The following LRRC8C variants were observed in gnomAD, a reference collection of about 807,000 sequenced individuals.
LRRC8C encodes the protein leucine rich repeat containing 8 VRAC subunit C.
Under a neutral mutation model 55.3 loss-of-function variants are expected in LRRC8C, and 20 were observed. The observed-to-expected ratio is 0.36, with a 90% CI of 0.25 to 0.53. LRRC8C has a LOEUF of 0.53. Ranked by LOEUF, LRRC8C falls within the 20% of genes least tolerant of loss-of-function variation. The pLI, the probability that LRRC8C is intolerant of heterozygous loss-of-function variation, is 0.92. For missense variants in LRRC8C, 659 were observed against 951.4 expected, an observed-to-expected ratio of 0.69 and a Z score of 4.04; for synonymous variants, 376 against 360.7, an observed-to-expected ratio of 1.04 and a Z score of -0.48.
chr1:89,630,865 TAAG>T (rs1029558888), upstream of LRRC8C, among the ~76,000 whole-genome samples: 7 of 152,184 alleles, frequency 4.6e-5, no homozygotes, highest in African/African-American at 1.7e-4. Context: ...TGCTACAAAA[TAAG>T]AAGAGGTGAA....
the LRRC8C span, chr1:89,626,353 G>T: frequency 1.3e-4 from 20 of 152,262 alleles, no homozygotes; most frequent in African/African-American, 4.8e-4. Flanking sequence ...ACACTGACTG[G>T]TATCCTATAA....
At chr1:89,664,675 G>A (rs772017877) in intron 1 of LRRC8C, among the ~76,000 whole-genome samples, 2 of 152,136 alleles carry the variant, frequency 1.3e-5, no homozygotes, top group Non-Finnish European at 2.9e-5. Flanking sequence ...CTAATTACGT[G>A]AAGAAAGTCA....
chr1:89,677,690 G>A (rs944028631), intron 1 of LRRC8C, among the ~76,000 whole-genome samples: 2 of 152,154 alleles, frequency 1.3e-5, no homozygotes, highest in African/African-American at 4.8e-5. Flanking sequence ...GGTCTGGACT[G>A]GATGATCTCT....
intron 1 of LRRC8C, among the ~76,000 whole-genome samples, chr1:89,633,594 C>G (rs1207387262): frequency 6.6e-6 from 1 of 152,174 alleles, no homozygotes; most frequent in East Asian, 1.9e-4. Context: ...GCGCCCAACG[C>G]CGCGCCGCAG....
In LRRC8C at chr1:89,713,533, T is replaced by G. The variant is rs1285562241; in HGVS notation, c.963T>G (p.Phe321Leu). ...TMAHLFSKLS[F>L]CYLCFVSIYG... Reference sequence around the variant, plus strand: ...CACACTTGTTCTCAAAACTGTCCTTTTGCTATCTGTGCTTTGTTAGTATCT... The same window carrying G: ...CACACTTGTTCTCAAAACTGTCCTTGTGCTATCTGTGCTTTGTTAGTATCT... Residue 321 changes from phenylalanine (F) to leucine (L), a missense_variant, in exon 3 of 3, where the codon TTT (phenylalanine) becomes TTG (leucine). This residue lies in a region of LRRC8C where 200 missense variants were observed against 360.5 expected (regional missense o/e 0.55). Coordinates refer to ENST00000370454, the MANE Select transcript of LRRC8C (RefSeq NM_032270.5). The surrounding 1 kb of genome is among the most constrained non-coding windows in gnomAD (Gnocchi z 5.2). The G allele has an allele frequency of 6.2e-7, 1 of 1,614,202 alleles. No individual in the cohort carries two copies. Among genetic ancestry groups the G allele is most frequent in the East Asian group, 2.2e-5 (1 of 44,882 alleles).
the LRRC8C span, among the ~76,000 whole-genome samples, chr1:89,625,681 A>C: frequency 5.9e-5 from 9 of 152,248 alleles, no homozygotes; most frequent in African/African-American, 2.2e-4. Flanking sequence ...AATCATGTTT[A>C]TGTGAGTAAC....
At chr1:89,624,040 A>AT in the LRRC8C span, among the ~76,000 whole-genome samples, 7 of 152,220 alleles carry the variant, frequency 4.6e-5, no homozygotes, top group Non-Finnish European at 1.0e-4. Flanking sequence ...CAGCATTTTT[A>AT]TATCAGTTCC....
chr1:89,654,575 A>G (rs1051497171), intron 1 of LRRC8C, among the ~76,000 whole-genome samples: 1 of 152,136 alleles, frequency 6.6e-6, no homozygotes, highest in African/African-American at 2.4e-5. Context: ...GTGTCCTTCT[A>G]TGTCTGAAAT....
At chr1:89,697,559 TCAAA>T (rs1487869669) in intron 2 of LRRC8C, among the ~76,000 whole-genome samples, 2 of 152,186 alleles carry the variant, frequency 1.3e-5, no homozygotes, top group Non-Finnish European at 2.9e-5. Context: ...TTCAAATTCT[TCAAA>T]CAACCGAAAC....
At position 89,674,947 on chromosome 1, in the gene LRRC8C, A is replaced by C. The variant is rs575550241; in HGVS notation, c.-4-11523A>C. Among the ~76,000 whole-genome samples the C allele has an allele frequency of 5.3e-5, 8 of 152,258 alleles. No homozygotes were observed. The South Asian group carries it at 1.2e-3, about 24-fold the overall frequency. ...GTGTTACTTTGTTTCCTAGTTTTTT[A>C]TGTTTAACCTAGCTGGAAATTTTAA... On this transcript the variant is annotated intron_variant, in intron 1 of 2. Transcript: ENST00000370454.
intron 2 of LRRC8C, among the ~76,000 whole-genome samples, chr1:89,693,646 CTTTTTTTTTTTTTTTTTT>C (rs35427989): frequency 1.2e-5 from 1 of 82,692 alleles, no homozygotes; most frequent in Non-Finnish European, 2.3e-5. Context: ...TCTTTTCTTC[CTTTTTTTTTTTTTTTTTT>C]TTTTTTTTTT....
Position 89,714,023 on chromosome 1 carries a change from G to A in LRRC8C, c.1453G>A (p.Ala485Thr). Residue 485 changes from alanine to threonine, a missense_variant, in exon 3 of 3, where the codon GCG becomes ACG. Transcript: ENST00000370454. The surrounding 1 kb of genome is among the most constrained non-coding windows in gnomAD (Gnocchi z 4.6). ...HQCSVKIHSA[A>T]LSFLKENLKV... Reference sequence around the variant, plus strand: ...GTGTTCTGTCAAAATCCACAGTGCGGCGCTCTCTTTCCTGAAGGAAAACCT... The same window carrying A: ...GTGTTCTGTCAAAATCCACAGTGCGACGCTCTCTTTCCTGAAGGAAAACCT... The A allele has an allele frequency of 6.2e-7, 1 of 1,613,444 alleles. No individual in the cohort carries two copies.
chr1:89,691,733 G>A lies in LRRC8C; in HGVS notation c.138+5122G>A, dbSNP rs150306104. On this transcript the variant is annotated intron_variant, in intron 2 of 2. Transcript: ENST00000370454. Reference sequence around the variant, plus strand: ...ATCTTAGGCTGATTCTCCATGAGGCGTCTGTCACCCCTGTGCACACTGCTA... The same window carrying A: ...ATCTTAGGCTGATTCTCCATGAGGCATCTGTCACCCCTGTGCACACTGCTA... Among the ~76,000 whole-genome samples the A allele has an allele frequency of 2.8e-3, 427 of 152,266 alleles. 3 individuals are homozygous for A. The highest frequency in any genetic ancestry group is 9.7e-3 in the African/African-American group (405 of 41,542).
At chr1:89,684,093 A>G (rs1054862132) in intron 1 of LRRC8C, among the ~76,000 whole-genome samples, 1 of 152,140 alleles carries the variant, frequency 6.6e-6, no homozygotes, top group Non-Finnish European at 1.5e-5. Context: ...TATATATATT[A>G]CATTTATTGG....
chr1:89,641,756 G>T (rs909822455), intron 1 of LRRC8C, among the ~76,000 whole-genome samples: 1 of 152,068 alleles, frequency 6.6e-6, no homozygotes. Context: ...ATAATACTTT[G>T]AACTGGTTTT....
intron 1 of LRRC8C, among the ~76,000 whole-genome samples, chr1:89,653,571 A>T (rs942947165): frequency 1.3e-5 from 2 of 152,230 alleles, no homozygotes; most frequent in African/African-American, 4.8e-5. Flanking sequence ...ACTGTAAGAG[A>T]CAAGGATGGA....
intron 1 of LRRC8C, among the ~76,000 whole-genome samples, chr1:89,643,556 A>G (rs993854869): frequency 6.6e-6 from 1 of 152,248 alleles, no homozygotes; most frequent in Non-Finnish European, 1.5e-5. Context: ...GTTATATACA[A>G]AAAGTTGTGT....
chr1:89,678,699 T>A (rs200581364), intron 1 of LRRC8C, among the ~76,000 whole-genome samples: 22 of 131,452 alleles, frequency 1.7e-4, no homozygotes, highest in South Asian at 2.4e-4. Flanking sequence ...AAATTCTGTC[T>A]AAAAAAAAAA....
intron 1 of LRRC8C, among the ~76,000 whole-genome samples, chr1:89,650,519 C>T (rs1440972928): frequency 1.1e-4 from 17 of 152,012 alleles, no homozygotes; most frequent in African/African-American, 4.1e-4. Context: ...GTATATTTCC[C>T]CAAGTAATCC....
Sources: allele counts gnomAD v4.1 joint callset (sites outside exome capture counted in the v4.1 genomes callset), GRCh38; gene constraint gnomAD v4.1.1; regional missense constraint gnomAD v4.1.1; non-coding constraint Gnocchi (gnomAD v3.1); transcripts MANE v1.5; gene names NCBI Gene and HGNC (gene_info 2026-07-23, HGNC 2026-07-21).